The following MAP3K19 variants were observed in gnomAD, a reference collection of about 807,000 sequenced individuals.
MAP3K19 encodes SPS1/STE20-related protein kinase YSK4.
MAP3K19 carries 91 observed loss-of-function variants against 114.4 expected under a neutral mutation model. The observed-to-expected ratio is 0.80, with a 90% confidence interval of 0.67 to 0.95. The LOEUF (loss-of-function observed/expected upper bound fraction) is 0.95. Ranked by LOEUF, MAP3K19 falls within the 40% of genes least tolerant of loss-of-function variation. The probability of loss-of-function intolerance (pLI) is 0.00; values close to 1 mark genes in which losing one functional copy is unlikely to be tolerated. For synonymous variants in MAP3K19, 518 were observed against 530.5 expected (o/e 0.98, Z 0.32); for missense variants, 1,471 against 1,573.2 (o/e 0.94, Z 1.10).
At chr2:135,030,836 C>T (rs2104784323) in intron 2 of MAP3K19, among the ~76,000 whole-genome samples, 1 of 152,236 alleles carries the variant, frequency 6.6e-6, no homozygotes, top group South Asian at 2.1e-4. Flanking sequence ...GCGGGAGGAT[C>T]ACTTGAGCCC....
At chr2:135,005,049 G>C (rs931584150) in intron 6 of MAP3K19, among the ~76,000 whole-genome samples, 3 of 152,198 alleles carry the variant, frequency 2.0e-5, no homozygotes, top group African/African-American at 7.2e-5. Context: ...AAGCTGCCTA[G>C]ACCCACTGAT....
intron 4 of MAP3K19, 121 bp from the exon 5 acceptor site, chr2:135,021,951 G>C: frequency 1.7e-6 from 1 of 575,634 alleles, no homozygotes. Flanking sequence ...TGAAATAGTG[G>C]TCTGGGATCC....
rs745572025 is a variant in MAP3K19 at position 134,985,926 on chromosome 2, C to T, written c.2946G>A (p.Glu982=). ...TTTTTTGGCAAGAGTTGTTATCTTT[C>T]TCATCAAGAGCTAATAATTCTGCAG... ...CLAAELLALD[E]KDNNSCQKMA... The change falls in exon 10 of 13, where the codon GAG becomes GAA. Residue 982 remains glutamate (E), a synonymous_variant. Coordinates refer to ENST00000392915, the MANE Select transcript of MAP3K19 (RefSeq NM_025052.5). The T allele has an allele frequency of 6.2e-7, 1 of 1,614,096 alleles. No individual in the cohort carries two copies. The highest frequency in any genetic ancestry group is 1.7e-5 in the Admixed American group (1 of 60,020).
intron 1 of MAP3K19, among the ~76,000 whole-genome samples, chr2:135,045,144 C>T (rs1415131276): frequency 6.6e-6 from 1 of 152,224 alleles, no homozygotes; most frequent in Non-Finnish European, 1.5e-5. Context: ...TCACAAAGTA[C>T]TGCCAGATTG....
chr2:135,005,842 C>T (rs187184185), intron 5 of MAP3K19, among the ~76,000 whole-genome samples: 37 of 152,278 alleles, frequency 2.4e-4, no homozygotes, highest in African/African-American at 8.9e-4. Flanking sequence ...CAAATTCCAT[C>T]TGGGTAGGTA....
rs536751128 is a variant in MAP3K19, at chr2:135,000,026, A to T, written c.236-11T>A. On this transcript the variant is annotated splice_polypyrimidine_tract_variant and intron_variant, in intron 6 of 12. Coordinates refer to ENST00000392915, the MANE Select transcript of MAP3K19 (RefSeq NM_025052.5). ...CAGTGATCTCAACACCTGTAGAAAC[A>T]TACCACAGTAGTAGAAGGAAGAAAG... 8 of 1,560,182 alleles carry T rather than the reference A, an allele frequency of 5.1e-6. No homozygotes were observed. The South Asian group carries it at 7.8e-5, about 15-fold the overall frequency.
intron 12 of MAP3K19, among the ~76,000 whole-genome samples, chr2:134,970,870 T>G (rs1414617743): frequency 6.6e-6 from 1 of 152,190 alleles, no homozygotes; most frequent in Non-Finnish European, 1.5e-5. Flanking sequence ...GTGCTGGGAT[T>G]ACAGGCATGA....
chr2:134,996,008 T>A (rs1031222004), intron 8 of MAP3K19, among the ~76,000 whole-genome samples: 1 of 152,132 alleles, frequency 6.6e-6, no homozygotes, highest in African/African-American at 2.4e-5. Flanking sequence ...GGACTAATCA[T>A]CATCCACTGC....
chr2:135,014,808 C>G (rs1175059322), intron 5 of MAP3K19, among the ~76,000 whole-genome samples: 1 of 152,050 alleles, frequency 6.6e-6, no homozygotes, highest in East Asian at 1.9e-4. Flanking sequence ...TTTTTTATGT[C>G]TGGTTTCTTT....
At chr2:135,006,635 C>A (rs1686832978) in intron 5 of MAP3K19, among the ~76,000 whole-genome samples, 1 of 151,326 alleles carries the variant, frequency 6.6e-6, no homozygotes, top group African/African-American at 2.4e-5. Context: ...CATGGCAAAA[C>A]CCTGTCTCTA....
chr2:135,021,469 C>CAT (rs1456765232), intron 5 of MAP3K19, among the ~76,000 whole-genome samples: 2 of 143,054 alleles, frequency 1.4e-5, no homozygotes, highest in African/African-American at 2.8e-5. Flanking sequence ...AAGACACACA[C>CAT]ACATACACAC....
intron 5 of MAP3K19, among the ~76,000 whole-genome samples, chr2:135,014,861 G>A (rs1383495634): frequency 6.6e-6 from 1 of 152,164 alleles, no homozygotes; most frequent in Non-Finnish European, 1.5e-5. Context: ...ATTTTTGCAT[G>A]TAATTTTAGA....
chr2:135,003,801 A>G (rs555900559), intron 6 of MAP3K19, among the ~76,000 whole-genome samples: 1 of 152,144 alleles, frequency 6.6e-6, no homozygotes, highest in African/African-American at 2.4e-5. Context: ...TGATCCGCCC[A>G]CCTTGGCCTC....
intron 12 of MAP3K19, among the ~76,000 whole-genome samples, chr2:134,973,636 T>C (rs1684021316): frequency 6.6e-6 from 1 of 152,230 alleles, no homozygotes; most frequent in African/African-American, 2.4e-5. Context: ...GTTGATTGTT[T>C]TCTGGTTGGT....
chr2:135,011,070 C>G (rs1490524028), intron 5 of MAP3K19, among the ~76,000 whole-genome samples: 1 of 151,944 alleles, frequency 6.6e-6, no homozygotes, highest in African/African-American at 2.4e-5. Flanking sequence ...TTCAGACAAC[C>G]AAAAAGAAAA....
At chr2:135,008,611 TG>T (rs980186366) in intron 5 of MAP3K19, among the ~76,000 whole-genome samples, 7 of 152,220 alleles carry the variant, frequency 4.6e-5, no homozygotes, top group African/African-American at 1.7e-4. Flanking sequence ...ATGAAAAAGT[TG>T]TTTTTTTGTA....
At chr2:135,037,595 C>G (rs1350208353) in intron 2 of MAP3K19, among the ~76,000 whole-genome samples, 1 of 152,130 alleles carries the variant, frequency 6.6e-6, no homozygotes, top group Non-Finnish European at 1.5e-5. Context: ...CCATGGGTCT[C>G]TTACATTTCT....
chr2:134,966,038 C>T (rs1360190375), intron 12 of MAP3K19, among the ~76,000 whole-genome samples: 3 of 152,178 alleles, frequency 2.0e-5, no homozygotes, highest in Admixed American at 6.6e-5. Flanking sequence ...AGATCCATCT[C>T]TGTTGCTGAA....
At chr2:135,003,742 C>T (rs1011004942) in intron 6 of MAP3K19, among the ~76,000 whole-genome samples, 4 of 152,038 alleles carry the variant, frequency 2.6e-5, no homozygotes, top group African/African-American at 7.2e-5. Flanking sequence ...TTAGTAGAGA[C>T]GGGGTTTCAC....
Sources: allele counts gnomAD v4.1 joint callset (sites outside exome capture counted in the v4.1 genomes callset), GRCh38; gene constraint gnomAD v4.1.1; transcripts MANE v1.5; gene names NCBI Gene and HGNC (gene_info 2026-07-23, HGNC 2026-07-21).